Variants in NAALADL2 observed in about 807,000 individuals in gnomAD.
The protein encoded by NAALADL2 is N-acetylated alpha-linked acidic dipeptidase like 2.
Under a neutral mutation model 87.2 loss-of-function variants are expected in NAALADL2, and 76 were observed. The ratio of observed to expected loss-of-function variants is 0.87; its 90% CI spans 0.72 to 1.05. NAALADL2 has a LOEUF of 1.05. Ranked by LOEUF, NAALADL2 falls within the 50% of genes least tolerant of loss-of-function variation. The pLI, the probability that NAALADL2 is intolerant of heterozygous loss-of-function variation, is 0.00. For missense variants in NAALADL2, 1,089 were observed against 945.8 expected (o/e 1.15, Z -1.99); for synonymous variants, 354 against 331.0 (o/e 1.07, Z -0.75).
At chr3:174,679,913 C>G (rs145329215) in intron 2 of NAALADL2, among the ~76,000 whole-genome samples, 1 of 152,072 alleles carries the variant, frequency 6.6e-6, no homozygotes, top group Non-Finnish European at 1.5e-5. Flanking sequence ...TATGTACTTA[C>G]AATTATGATT....
intron 9 of NAALADL2, among the ~76,000 whole-genome samples, chr3:175,548,308 C>G (rs7648893): frequency 0.068 from 10,275 of 152,092 alleles, 832 homozygotes; most frequent in African/African-American, 0.2. Context: ...GAACAGAAAA[C>G]TAAATACCAC....
chr3:175,778,619 T>A (rs1404306848), intron 13 of NAALADL2, among the ~76,000 whole-genome samples: 1 of 152,214 alleles, frequency 6.6e-6, no homozygotes, highest in African/African-American at 2.4e-5. Flanking sequence ...TAAAGCTTTT[T>A]ATTGTATATG....
chr3:174,831,550 G>A (rs984295251), intron 3 of NAALADL2, among the ~76,000 whole-genome samples: 5 of 149,478 alleles, frequency 3.3e-5, no homozygotes, highest in Admixed American at 3.3e-4. Context: ...GTTCATCAAG[G>A]ATATTGGTCT....
intron 11 of NAALADL2, among the ~76,000 whole-genome samples, chr3:175,664,051 AATGGGG>A (rs369693760): frequency 2.6e-5 from 4 of 152,164 alleles, no homozygotes; most frequent in African/African-American, 7.2e-5. Context: ...GGGCAATAAC[AATGGGG>A]ATAGAAAGAT....
chr3:174,852,804 C>T (rs1262571663), intron 3 of NAALADL2, among the ~76,000 whole-genome samples: 1 of 152,064 alleles, frequency 6.6e-6, no homozygotes, highest in Non-Finnish European at 1.5e-5. Context: ...CATTACCTTA[C>T]TTCAAATTAT....
At chr3:175,108,908 T>A (rs748505658) in intron 2 of NAALADL2, among the ~76,000 whole-genome samples, 2 of 151,732 alleles carry the variant, frequency 1.3e-5, no homozygotes, top group African/African-American at 2.4e-5. Context: ...TTTCTGAAGG[T>A]TTTTCTCTTG....
At chr3:175,786,620 T>C (rs1188527905) in intron 13 of NAALADL2, among the ~76,000 whole-genome samples, 1 of 152,202 alleles carries the variant, frequency 6.6e-6, no homozygotes, top group Non-Finnish European at 1.5e-5. Context: ...TTTCAAAGTT[T>C]GCCACTTCTT....
chr3:174,854,301 TCTCA>T (rs141235482), intron 3 of NAALADL2, among the ~76,000 whole-genome samples: 47 of 152,328 alleles, frequency 3.1e-4, no homozygotes, highest in Middle Eastern at 3.4e-3. Flanking sequence ...TATTGCATGT[TCTCA>T]CTCATATGTG....
At chr3:174,857,715 G>C (rs545241644), upstream of NAALADL2, among the ~76,000 whole-genome samples, 3 of 152,146 alleles carry the variant, frequency 2.0e-5, no homozygotes, top group South Asian at 6.2e-4. Context: ...TAGGCAAAGG[G>C]TTATTCTATT....
At chr3:174,919,319 C>G (rs1389535510) in intron 1 of NAALADL2, among the ~76,000 whole-genome samples, 1 of 152,088 alleles carries the variant, frequency 6.6e-6, no homozygotes, top group Non-Finnish European at 1.5e-5. Flanking sequence ...GAACGTCTTT[C>G]AAAATTGGAG....
chr3:174,827,143 T>C (rs1293937900), intron 3 of NAALADL2, among the ~76,000 whole-genome samples: 4 of 152,206 alleles, frequency 2.6e-5, no homozygotes, highest in African/African-American at 9.6e-5. Flanking sequence ...CACTTTTTTT[T>C]CTCACCTAAT....
intron 1 of NAALADL2, among the ~76,000 whole-genome samples, chr3:175,093,179 C>T (rs966876048): frequency 9.2e-5 from 14 of 151,530 alleles, no homozygotes; most frequent in Non-Finnish European, 1.5e-4. Flanking sequence ...ATGTGTAAGA[C>T]ATGCTGATTT....
chr3:175,353,124 G>GTT (rs1763963666), intron 5 of NAALADL2, among the ~76,000 whole-genome samples: 1 of 135,440 alleles, frequency 7.4e-6, no homozygotes, highest in Admixed American at 6.9e-5. Context: ...GTGTGTGTGT[G>GTT]TGTGTGTGTG....
At chr3:175,655,063 A>G (rs1731267029) in intron 11 of NAALADL2, among the ~76,000 whole-genome samples, 1 of 152,140 alleles carries the variant, frequency 6.6e-6, no homozygotes, top group South Asian at 2.1e-4. Flanking sequence ...AAATTATTAC[A>G]ATAGGATAGT....
chr3:174,555,653 G>A (rs1419413397), intron 2 of NAALADL2, among the ~76,000 whole-genome samples: 1 of 152,130 alleles, frequency 6.6e-6, no homozygotes, highest in East Asian at 1.9e-4. Context: ...GGACAAAAGG[G>A]TGTGATCTGA....
intron 5 of NAALADL2, among the ~76,000 whole-genome samples, chr3:175,419,028 T>A (rs1715191861): frequency 6.6e-6 from 1 of 151,784 alleles, no homozygotes; most frequent in African/African-American, 2.4e-5. Context: ...TTTTTTATGT[T>A]TTGGAGTCAT....
chr3:175,320,357 T>C (rs1428767433), intron 4 of NAALADL2, among the ~76,000 whole-genome samples: 1 of 152,208 alleles, frequency 6.6e-6, no homozygotes, highest in Non-Finnish European at 1.5e-5. Context: ...ACGTTAAATA[T>C]GTCTCAAATG....
At chr3:174,472,766 G>T (rs1392311569) in intron 1 of NAALADL2, among the ~76,000 whole-genome samples, 1 of 151,926 alleles carries the variant, frequency 6.6e-6, no homozygotes, top group Non-Finnish European at 1.5e-5. Flanking sequence ...GGCTGTAATA[G>T]TCTCAGTCCA....
intron 2 of NAALADL2, among the ~76,000 whole-genome samples, chr3:175,233,404 A>G (rs1263404433): frequency 2.6e-4 from 39 of 152,098 alleles, no homozygotes; most frequent in Admixed American, 2.6e-3. Context: ...GCAATGCCAT[A>G]GTGCTGTATT....
Sources: allele counts gnomAD v4.1 joint callset (sites outside exome capture counted in the v4.1 genomes callset), GRCh38; gene constraint gnomAD v4.1.1; transcripts MANE v1.5; gene names NCBI Gene and HGNC (gene_info 2026-07-23, HGNC 2026-07-21).